The following CFAP44 variants were observed in gnomAD, a reference collection of about 807,000 sequenced individuals.
The protein encoded by CFAP44 is cilia- and flagella-associated protein 44.
In CFAP44, 134 loss-of-function variants were observed where a neutral mutation model predicts 216.2. The ratio of observed to expected loss-of-function variants is 0.62; its 90% CI spans 0.54 to 0.72. The LOEUF (loss-of-function observed/expected upper bound fraction) is 0.72, where lower values mean the gene tolerates loss of function less well. Ranked by LOEUF, CFAP44 falls within the 30% of genes least tolerant of loss-of-function variation. CFAP44 has a pLI of 0.00. For synonymous variants in CFAP44, 700 were observed against 727.6 expected (o/e 0.96, Z 0.61); for missense variants, 2,035 against 2,182.1 (o/e 0.93, Z 1.34).
intron 17 of CFAP44, among the ~76,000 whole-genome samples, chr3:113,378,750 A>G (rs941598755): frequency 6.6e-6 from 1 of 152,120 alleles, no homozygotes; most frequent in African/African-American, 2.4e-5. Context: ...TTTCTTCCTA[A>G]TATCCATTTT....
In CFAP44 at chr3:113,291,479, T is replaced by C. The variant is rs563834008; in HGVS notation, c.*78A>G. On this transcript the variant is annotated 3_prime_UTR_variant, in exon 35 of 35. Coordinates refer to ENST00000393845, the MANE Select transcript of CFAP44 (RefSeq NM_001164496.2). ...GCGAGTTCAGTTTAAAGTAATAAGA[T>C]TGTTGGAGGTGATGAGGAGACAGAA... 7 of 1,439,612 alleles carry C rather than the reference T, an allele frequency of 4.9e-6. No homozygotes were observed. Among genetic ancestry groups the C allele is most frequent in the East Asian group, 5.0e-5 (2 of 40,122 alleles). 89.2% of individuals were successfully genotyped at this position (1,439,612 alleles called of 1,614,324 possible).
At chr3:113,367,237 G>C (rs1257348134) in intron 18 of CFAP44, among the ~76,000 whole-genome samples, 1 of 152,232 alleles carries the variant, frequency 6.6e-6, no homozygotes, top group East Asian at 1.9e-4. Context: ...TTCAAGCTCT[G>C]AAAACGGACA....
chr3:113,386,463 T>C lies in CFAP44; in HGVS notation c.1891-5403A>G, dbSNP rs151290171. 4.1e-3 allele frequency among the ~76,000 whole-genome samples: 628 copies of C among 152,320 alleles called. 6 individuals are homozygous for C. The highest frequency in any genetic ancestry group is 0.014 in the African/African-American group (601 of 41,554). On this transcript the variant is annotated intron_variant, in intron 15 of 34. Transcript: ENST00000393845. ...TTGTCTATTGCTGTCTTCTTTTGTG[T>C]TTGTCATTTAAGGCAAAGAAGATCA...
At chr3:113,312,073 GTT>G (rs199653080) in intron 28 of CFAP44, among the ~76,000 whole-genome samples, 2,501 of 126,718 alleles carry the variant, frequency 0.02, 28 homozygotes, top group Admixed American at 0.03. Context: ...GTGTGTGTGT[GTT>G]TTTTTTTTTT....
intron 2 of CFAP44, chr3:113,428,883 T>C (rs1338450168): frequency 6.6e-6 from 1 of 152,172 alleles, no homozygotes; most frequent in Non-Finnish European, 1.5e-5. Context: ...TTTTTGTTTG[T>C]TTCCTCCAGC....
At chr3:113,302,433 T>C (rs1402800478) in intron 32 of CFAP44, among the ~76,000 whole-genome samples, 2 of 131,878 alleles carry the variant, frequency 1.5e-5, no homozygotes, top group Non-Finnish European at 3.2e-5. Flanking sequence ...AAAACATCTG[T>C]ATCCAAAGAT....
intron 32 of CFAP44, among the ~76,000 whole-genome samples, chr3:113,303,147 T>C (rs1248715383): frequency 1.3e-5 from 2 of 152,268 alleles, no homozygotes; most frequent in East Asian, 1.9e-4. Flanking sequence ...AGGAGAAATT[T>C]GTTCAACCAC....
chr3:113,359,905 T>C (rs1950521781), intron 21 of CFAP44, among the ~76,000 whole-genome samples: 1 of 152,170 alleles, frequency 6.6e-6, no homozygotes, highest in African/African-American at 2.4e-5. Context: ...AATTAAATCA[T>C]TTTTAAAAAT....
chr3:113,291,542 G>C lies in CFAP44; in HGVS notation c.*15C>G. On this transcript the variant is annotated 3_prime_UTR_variant, in exon 35 of 35. Coordinates refer to ENST00000393845, the MANE Select transcript of CFAP44 (RefSeq NM_001164496.2). ...TATGTCAGAAATCTTGTATGGGTTTGAGAAAATAGCAAACTCAAAGGTCTG... is the reference window on the plus strand; with the variant it reads ...TATGTCAGAAATCTTGTATGGGTTTCAGAAAATAGCAAACTCAAAGGTCTG... 6.5e-7 allele frequency: 1 copy of C among 1,533,308 alleles called. No homozygotes were observed. Among genetic ancestry groups the C allele is most frequent in the East Asian group, 2.5e-5 (1 of 40,790 alleles). The allele number at this position is 1,533,308 out of a possible 1,614,324, so 95.0% of individuals were successfully genotyped here. A position where few individuals can be genotyped will look rare whatever the true frequency, so the allele number is the denominator to read the frequency against.
At chr3:113,437,157 T>C (rs529214380) in intron 1 of CFAP44, among the ~76,000 whole-genome samples, 5 of 152,296 alleles carry the variant, frequency 3.3e-5, no homozygotes, top group South Asian at 4.1e-4. Context: ...CCTTGACTTA[T>C]GGTGCCCTTT....
chr3:113,394,724 T>C (rs1933943279), intron 15 of CFAP44, among the ~76,000 whole-genome samples: 1 of 147,466 alleles, frequency 6.8e-6, no homozygotes, highest in Non-Finnish European at 1.5e-5. Context: ...GCTGACGAGC[T>C]AAAAAAAAAA....
chr3:113,372,490 A>C (rs1010209317), intron 18 of CFAP44, among the ~76,000 whole-genome samples: 2 of 152,236 alleles, frequency 1.3e-5, no homozygotes, highest in Non-Finnish European at 2.9e-5. Flanking sequence ...CAGAAAACCA[A>C]GCACCACATA....
At position 113,386,259 on chromosome 3, in the gene CFAP44, T is replaced by C. The variant is rs115985382; in HGVS notation, c.1891-5199A>G. 8.9e-3 allele frequency among the ~76,000 whole-genome samples: 1,351 copies of C among 152,328 alleles called. 18 individuals are homozygous for C. The highest frequency in any genetic ancestry group is 0.03 in the African/African-American group (1,260 of 41,560). On this transcript the variant is annotated intron_variant, in intron 15 of 34. Coordinates refer to ENST00000393845, the MANE Select transcript of CFAP44 (RefSeq NM_001164496.2). The stretch of plus-strand genomic sequence containing the variant: ...TTACCATTTGCATGGAATGTCTTTT[T>C]TCATCTCTTCACTTTCAACCAAGTT...
chr3:113,418,782 T>C (rs189617853), intron 5 of CFAP44, among the ~76,000 whole-genome samples: 1 of 152,248 alleles, frequency 6.6e-6, no homozygotes, highest in East Asian at 1.9e-4. Context: ...CTCAGTTCAC[T>C]GCAACCTCCA....
At chr3:113,409,404 G>C in intron 6 of CFAP44, 82 bp from the exon 7 acceptor site, 1 of 1,273,938 alleles carries the variant, frequency 7.8e-7, no homozygotes. Context: ...AAGAGAGGGA[G>C]TCAGCCCATG....
In CFAP44 at chr3:113,426,159, C is replaced by T. The variant is rs73239107; in HGVS notation, c.372G>A (p.Leu124=). 0.2 allele frequency: 329,860 copies of T among 1,613,772 alleles called. 37,235 individuals are homozygous for T. The highest frequency in any genetic ancestry group is 0.45 in the East Asian group (20,098 of 44,866). Reference sequence around the variant, plus strand: ...GAAGATCCAGTGGTATGTTTGAATCCAGAGTCACAAAAGGCATCGAAGCAA... The same window carrying T: ...GAAGATCCAGTGGTATGTTTGAATCTAGAGTCACAAAAGGCATCGAAGCAA... ...MELASMPFVT[L]DSNIPLDLLT... is the part of the protein sequence containing the mutation. The change falls in exon 4 of 35, where the codon CTG becomes CTA. Residue 124 remains leucine (L), a synonymous_variant. Transcript: ENST00000393845.
chr3:113,302,742 C>T (rs1250862379), intron 32 of CFAP44, among the ~76,000 whole-genome samples: 1 of 132,312 alleles, frequency 7.6e-6, no homozygotes, highest in East Asian at 2.1e-4. Context: ...GGTGAGACTC[C>T]AGCCTGGGCG....
At chr3:113,319,335 A>G (rs558084896) in intron 28 of CFAP44, among the ~76,000 whole-genome samples, 1 of 152,360 alleles carries the variant, frequency 6.6e-6, no homozygotes, top group South Asian at 2.1e-4. Context: ...TAAGAAGGAT[A>G]ATGAAGAGCA....
At position 113,330,534 on chromosome 3, in the gene CFAP44, G is replaced by A. The variant is rs1038817474; in HGVS notation, c.3750C>T (p.His1250=). ...NIQSTLHISK[H]IPIPKIPQIH... is the part of the protein sequence containing the mutation. ...TCTGAGGAATTTTGGGAATGGGTAT[G>A]TGCTTGGATATGTGAAGAGTCGACT... The change falls in exon 26 of 35, where the codon CAC becomes CAT. Residue 1250 remains histidine (H), a synonymous_variant. Coordinates refer to ENST00000393845, the MANE Select transcript of CFAP44 (RefSeq NM_001164496.2). 3 of 1,537,118 alleles carry A rather than the reference G, an allele frequency of 2.0e-6. No homozygotes were observed. The highest frequency in any genetic ancestry group is 2.4e-5 in the South Asian group (2 of 84,060).
Sources: gnomAD v4.1 joint callset for allele counts (sites outside exome capture counted in the v4.1 genomes callset) on GRCh38, gnomAD v4.1.1 for gene constraint, MANE v1.5 for transcripts, NCBI Gene and HGNC (gene_info 2026-07-23, HGNC 2026-07-21) for gene names.